The following IDNK variants were observed in gnomAD, a reference collection of about 807,000 sequenced individuals.
IDNK encodes the protein gluconokinase.
IDNK carries 9 observed loss-of-function variants against 13.0 expected under a neutral mutation model. The observed-to-expected ratio is 0.69, with a 90% CI of 0.42 to 1.21. IDNK has a LOEUF of 1.21. IDNK is among the 50% of genes most tolerant of loss of function. The pLI, the probability that IDNK is intolerant of heterozygous loss-of-function variation, is 0.00. For synonymous variants in IDNK, 92 were observed against 94.9 expected (o/e 0.97, Z 0.18); for missense variants, 210 against 237.8 (o/e 0.88, Z 0.77).
At chr9:83,629,999 A>C (rs7043270) in intron 3 of IDNK, among the ~76,000 whole-genome samples, 5,774 of 152,318 alleles carry the variant, frequency 0.038, 331 homozygotes, top group African/African-American at 0.13. Flanking sequence ...GGGCAGGTCA[A>C]AGGCTGGGGC....
rs1298013918 is a variant in IDNK, at chr9:83,623,229, C to T, written c.50+8C>T. On this transcript the variant is annotated splice_region_variant and intron_variant, in intron 1 of 4. Coordinates refer to ENST00000376419, the MANE Select transcript of IDNK (RefSeq NM_001001551.4). ...CGTGAGCGGCTCGGGGAAGTAGGTC[C>T]GGGAGAGGGCGGGGGGCGCCCGGGA... 13 of 1,393,236 alleles carry T rather than the reference C, an allele frequency of 9.3e-6. No individual in the cohort carries two copies. The highest frequency in any genetic ancestry group is 3.1e-5 in the East Asian group (1 of 32,476). The allele number at this position is 1,393,236 out of a possible 1,614,324, so 86.3% of individuals were successfully genotyped here.
intron 3 of IDNK, among the ~76,000 whole-genome samples, chr9:83,636,145 A>G (rs575989022): frequency 5.4e-4 from 82 of 152,366 alleles, no homozygotes; most frequent in African/African-American, 1.9e-3. Context: ...TAAGAGAAAG[A>G]AAGGAATTTA....
chr9:83,633,877 GGTTT>G (rs1237930700), intron 3 of IDNK, among the ~76,000 whole-genome samples: 2 of 152,164 alleles, frequency 1.3e-5, no homozygotes, highest in Non-Finnish European at 1.5e-5. Flanking sequence ...AGTGAATCAA[GGTTT>G]GTTAAATTGA....
chr9:83,632,528 A>G (rs1162081971), intron 3 of IDNK, among the ~76,000 whole-genome samples: 1 of 149,390 alleles, frequency 6.7e-6, no homozygotes, highest in African/African-American at 2.5e-5. Flanking sequence ...CACACATAAA[A>G]TACACTAACA....
chr9:83,630,017 T>G (rs1031217684), intron 3 of IDNK, among the ~76,000 whole-genome samples: 1 of 152,220 alleles, frequency 6.6e-6, no homozygotes, highest in African/African-American at 2.4e-5. Context: ...GGCCACGCAC[T>G]AAGTGTGTCC....
At chr9:83,632,370 G>A (rs112589613) in intron 3 of IDNK, among the ~76,000 whole-genome samples, 1 of 151,974 alleles carries the variant, frequency 6.6e-6, no homozygotes, top group Admixed American at 6.6e-5. Context: ...ACTCTTCGTA[G>A]AGCATTCATT....
At chr9:83,643,343 A>T in intron 4 of IDNK, 86 bp from the exon 5 acceptor site, 1 of 1,029,762 alleles carries the variant, frequency 9.7e-7, no homozygotes, top group Non-Finnish European at 1.4e-6. Context: ...AAGTAGGACT[A>T]GAGTCCTGCA....
intron 1 of IDNK, among the ~76,000 whole-genome samples, chr9:83,624,592 C>T (rs1391907363): frequency 6.6e-6 from 1 of 151,922 alleles, no homozygotes; most frequent in Non-Finnish European, 1.5e-5. Context: ...GGGGGAGTGG[C>T]GTTTCAGCAA....
intron 3 of IDNK, among the ~76,000 whole-genome samples, chr9:83,631,259 T>C (rs1478230668): frequency 6.6e-6 from 1 of 151,648 alleles, no homozygotes; most frequent in Non-Finnish European, 1.5e-5. Flanking sequence ...GGGGAGAGTT[T>C]TGTGTTCGGA....
In IDNK at chr9:83,644,064, A is replaced by G. The variant is rs768866429; in HGVS notation, c.*284A>G. On this transcript the variant is annotated 3_prime_UTR_variant, in exon 5 of 5. Transcript: ENST00000376419. ...TGTAATCAATGCTGGAAATCGTTAC[A>G]TTGTTTAGAACATTCTTGCTCATGC... 1.1e-4 allele frequency: 39 copies of G among 349,148 alleles called. 1 individual carries two copies. Among genetic ancestry groups the G allele is most frequent in the Non-Finnish European group, 2.1e-5 (4 of 186,966 alleles). 21.6% of individuals were successfully genotyped at this position (349,148 alleles called of 1,614,324 possible). A position where few individuals can be genotyped will look rare whatever the true frequency, so the allele number is the denominator to read the frequency against.
At chr9:83,643,404 C>CTTTTTTTTTTTTTT (rs758177728) in intron 4 of IDNK, 25 bp from the exon 5 acceptor site, 2 of 1,362,724 alleles carry the variant, frequency 1.5e-6, no homozygotes, top group Non-Finnish European at 2.0e-6. Context: ...TAGCCTCCCT[C>CTTTTTTTTTTTTTT]TTTTTTTTTT....
intron 3 of IDNK, among the ~76,000 whole-genome samples, chr9:83,632,424 C>G (rs1831044069): frequency 6.6e-6 from 1 of 152,056 alleles, no homozygotes; most frequent in South Asian, 2.1e-4. Context: ...GAGTGCACTG[C>G]CTTCCCCATC....
At chr9:83,628,137 C>A in intron 1 of IDNK, 44 bp from the exon 2 acceptor site, 1 of 1,550,286 alleles carries the variant, frequency 6.5e-7, no homozygotes, top group South Asian at 1.2e-5. Context: ...AAGCTCCACA[C>A]ATTGGGCAGG....
At position 83,631,451 on chromosome 9, in the gene IDNK, G is replaced by GAAAAAAAAAAAAA. The variant is rs57832482; in HGVS notation, c.168+2499_168+2511dup. On this transcript the variant is annotated intron_variant, in intron 3 of 4. Transcript: ENST00000376419. ...GCAAGTCCCTGCCTCTACAAAAACTGAAAAAAAAAAAAAAAAAAAGGCTGG... is the reference window on the plus strand; with the variant it reads ...GCAAGTCCCTGCCTCTACAAAAACTGAAAAAAAAAAAAAAAAAAAAAAAAAAAAAAAAGGCTGG... Among the ~76,000 whole-genome samples, 265 of 56,922 alleles carry GAAAAAAAAAAAAA rather than the reference G, an allele frequency of 4.7e-3. 53 individuals carry two copies. Among genetic ancestry groups the GAAAAAAAAAAAAA allele is most frequent in the African/African-American group, 0.016 (230 of 13,978 alleles). The allele number at this position is 56,922 out of a possible 152,430, so 37.3% of individuals were successfully genotyped here. A position where few individuals can be genotyped will look rare whatever the true frequency, so the allele number is the denominator to read the frequency against.
At chr9:83,636,156 G>A (rs1421725549) in intron 3 of IDNK, among the ~76,000 whole-genome samples, 1 of 152,206 alleles carries the variant, frequency 6.6e-6, no homozygotes, top group Non-Finnish European at 1.5e-5. Flanking sequence ...AAGGAATTTA[G>A]AAAGATGAGT....
chr9:83,627,103 C>T (rs1185836361), intron 1 of IDNK: 1 of 150,090 alleles, frequency 6.7e-6, no homozygotes, highest in Non-Finnish European at 1.5e-5. Context: ...CTTTAACACA[C>T]TTATTTAATT....
chr9:83,629,094 T>C (rs540630448), intron 3 of IDNK, 135 bp downstream of exon 3: 3 of 713,158 alleles, frequency 4.2e-6, no homozygotes, highest in East Asian at 4.9e-5. Context: ...AGGTGCCCAG[T>C]AGATCCTCTA....
chr9:83,624,418 G>A (rs573087123), intron 1 of IDNK, among the ~76,000 whole-genome samples: 2 of 152,166 alleles, frequency 1.3e-5, no homozygotes, highest in African/African-American at 2.4e-5. Flanking sequence ...CTATGTCATT[G>A]TCATATAGCG....
chr9:83,638,663 A>G (rs1302602033), intron 3 of IDNK, among the ~76,000 whole-genome samples: 1 of 152,204 alleles, frequency 6.6e-6, no homozygotes, highest in Admixed American at 6.5e-5. Context: ...GATAAGATAT[A>G]TTTTCTAAAG....
Sources: allele counts gnomAD v4.1 joint callset (sites outside exome capture counted in the v4.1 genomes callset), GRCh38; gene constraint gnomAD v4.1.1; transcripts MANE v1.5; gene names NCBI Gene and HGNC (gene_info 2026-07-23, HGNC 2026-07-21).